Variants in SPANXN2 observed in about 807,000 individuals in gnomAD.
SPANXN2 encodes SPANX family member N2, also known as sperm protein associated with the nucleus on the X chromosome N2.
SPANXN2 carries 1 observed loss-of-function variant against 2.0 expected under a neutral mutation model. The ratio of observed to expected loss-of-function variants is 0.50; its 90% CI spans 0.18 to 2.36. The LOEUF is 2.36. Ranked by LOEUF, SPANXN2 falls within the 30% of genes most tolerant of loss-of-function variation. The pLI is 0.26. For missense variants in SPANXN2, 88 were observed against 116.7 expected (o/e 0.75, Z 1.13); for synonymous variants, 43 against 49.8 (o/e 0.86, Z 0.58).
chrX:143,714,476 C>A (rs1556449140), intron 1 of SPANXN2, among the ~76,000 whole-genome samples: 1 of 111,661 alleles, frequency 9.0e-6, no homozygotes, highest in East Asian at 2.8e-4. Context: ...CCTCCACCAA[C>A]AAGATGCTGC....
exon 2 of SPANXN2, chrX:143,712,418 C>G (rs369501075): frequency 6.6e-6 from 8 of 1,211,136 alleles, no homozygotes; most frequent in Non-Finnish European, 8.9e-6. Context: ...TAGTAATACA[C>G]TATTATTGTT....
intron 1 of SPANXN2, among the ~76,000 whole-genome samples, chrX:143,712,818 G>A (rs1177164622): frequency 8.9e-6 from 1 of 111,797 alleles, no homozygotes; most frequent in Non-Finnish European, 1.9e-5. Context: ...GGCGGACAAA[G>A]GCCCAACTAA....
chrX:143,714,105 C>G (rs1447520202), intron 1 of SPANXN2, among the ~76,000 whole-genome samples: 2 of 109,856 alleles, frequency 1.8e-5, no homozygotes, highest in Non-Finnish European at 3.8e-5. Context: ...TCCTCCACCC[C>G]CTTACTGTCG....
At chrX:143,718,069 A>G (rs1408224400) in intron 1 of SPANXN2, among the ~76,000 whole-genome samples, 8 of 111,507 alleles carry the variant, frequency 7.2e-5, no homozygotes, top group African/African-American at 2.3e-4. Context: ...TGGGCTTTCC[A>G]TATTCCTTAC....
chrX:143,720,262 C>A (rs782383415), intron 1 of SPANXN2, among the ~76,000 whole-genome samples: 45 of 110,738 alleles, frequency 4.1e-4, no homozygotes, highest in African/African-American at 1.1e-3. Context: ...AAGGCGGACA[C>A]AGGTCCAACT....
chrX:143,716,026 A>G (rs1303811422), intron 1 of SPANXN2, among the ~76,000 whole-genome samples: 3 of 111,323 alleles, frequency 2.7e-5, no homozygotes, highest in African/African-American at 9.8e-5. Context: ...ACTTACACCT[A>G]GACTGTACTC....
intron 1 of SPANXN2, 44 bp downstream of exon 1, chrX:143,720,547 C>G (rs1932350003): frequency 8.4e-7 from 1 of 1,183,605 alleles, no homozygotes. Context: ...CTCTGTGTGT[C>G]TTTCTTTCAC....
At chrX:143,717,808 G>C (rs1277580748) in intron 1 of SPANXN2, among the ~76,000 whole-genome samples, 28 of 111,673 alleles carry the variant, frequency 2.5e-4, no homozygotes, top group Non-Finnish European at 5.1e-4. Context: ...ACACTTACTA[G>C]GGCAGGACTA....
At chrX:143,714,804 C>G (rs1461648725) in intron 1 of SPANXN2, among the ~76,000 whole-genome samples, 1 of 111,692 alleles carries the variant, frequency 9.0e-6, no homozygotes, top group Non-Finnish European at 1.9e-5. Context: ...ATCAAAGTGG[C>G]CTTCAAGATC....
chrX:143,712,238 C>G (rs1932173879), exon 2 of SPANXN2: 1 of 1,048,758 alleles, frequency 9.5e-7, no homozygotes, highest in Non-Finnish European at 1.3e-6. Flanking sequence ...GAGTCCAGGT[C>G]TTCGTCCTCC....
intron 1 of SPANXN2, among the ~76,000 whole-genome samples, chrX:143,713,507 G>A (rs1932203573): frequency 9.0e-6 from 1 of 111,175 alleles, no homozygotes; most frequent in Non-Finnish European, 1.9e-5. Context: ...CTGGGTGAGA[G>A]GTCTCCCCAG....
intron 1 of SPANXN2, among the ~76,000 whole-genome samples, chrX:143,712,902 C>G (rs1556448748): frequency 9.0e-6 from 1 of 111,370 alleles, no homozygotes; most frequent in African/African-American, 3.3e-5. Context: ...GGAAAAAGGG[C>G]CAAACCACCT....
At chrX:143,714,247 A>G (rs1215109961) in intron 1 of SPANXN2, among the ~76,000 whole-genome samples, 1 of 111,469 alleles carries the variant, frequency 9.0e-6, no homozygotes, top group Non-Finnish European at 1.9e-5. Context: ...CTAAAGGCAT[A>G]ATCTGAATTC....
intron 1 of SPANXN2, among the ~76,000 whole-genome samples, chrX:143,715,341 T>C (rs1295866700): frequency 9.1e-6 from 1 of 110,355 alleles, no homozygotes; most frequent in East Asian, 2.9e-4. Context: ...ATACAACCTA[T>C]TCAGCAGCCC....
At chrX:143,712,342 T>C in exon 2 of SPANXN2, 1 of 1,212,659 alleles carries the variant, frequency 8.2e-7, no homozygotes, top group East Asian at 3.0e-5. Flanking sequence ...TTGGACTGGA[T>C]TGATGGAGTT....
rs782593873 is a variant in SPANXN2 at position 143,715,890 on chromosome X, T to C, written c.79-3391A>G. Among the ~76,000 whole-genome samples the C allele has an allele frequency of 2.7e-5, 3 of 111,536 alleles. No individual in the cohort carries two copies. The South Asian group carries it at 1.2e-3, about 43-fold the overall frequency. ...ATTGCCCCATCTACCACACACTCCTTTGTATTGAACTAAAAGACAACTATT... is the reference window on the plus strand; with the variant it reads ...ATTGCCCCATCTACCACACACTCCTCTGTATTGAACTAAAAGACAACTATT... On this transcript the variant is annotated intron_variant, in intron 1 of 1. Transcript: ENST00000598475.
At chrX:143,713,362 G>C (rs781788649) in intron 1 of SPANXN2, among the ~76,000 whole-genome samples, 2 of 111,153 alleles carry the variant, frequency 1.8e-5, no homozygotes, top group Non-Finnish European at 3.8e-5. Context: ...TCCTGTTTCC[G>C]GGCAGCTGCA....
At chrX:143,716,590 A>T (rs1280974477) in intron 1 of SPANXN2, among the ~76,000 whole-genome samples, 1 of 111,967 alleles carries the variant, frequency 8.9e-6, no homozygotes, top group African/African-American at 3.3e-5. Context: ...GTACATTCTG[A>T]CCAGCGCCTT....
intron 1 of SPANXN2, among the ~76,000 whole-genome samples, 169 bp downstream of exon 1, chrX:143,720,422 A>C (rs1932346264): frequency 1.2e-5 from 1 of 85,140 alleles, no homozygotes; most frequent in Non-Finnish European, 2.3e-5. Context: ...GGCCCCTCCC[A>C]CCCATACCTA....
Sources: allele counts gnomAD v4.1 joint callset (sites outside exome capture counted in the v4.1 genomes callset), GRCh38; gene constraint gnomAD v4.1.1; transcripts MANE v1.5; gene names NCBI Gene and HGNC (gene_info 2026-07-23, HGNC 2026-07-21).